The following TNFSF11 variants were observed in gnomAD, a reference collection of about 807,000 sequenced individuals.
TNFSF11 encodes the protein TNF superfamily member 11, also known as tumor necrosis factor ligand superfamily member 11.
In TNFSF11, 12 loss-of-function variants were observed where a neutral mutation model predicts 32.2. The observed-to-expected ratio is 0.37, with a 90% CI of 0.24 to 0.60. The LOEUF is 0.60. TNFSF11 is among the 20% of genes least tolerant of loss of function. The pLI is 0.66. For synonymous variants in TNFSF11, 172 were observed against 152.1 expected (o/e 1.13, Z -0.96); for missense variants, 345 against 398.0 (o/e 0.87, Z 1.13).
At chr13:42,575,587 T>C (rs1276660558) in intron 1 of TNFSF11, among the ~76,000 whole-genome samples, 2 of 152,228 alleles carry the variant, frequency 1.3e-5, no homozygotes, top group East Asian at 1.9e-4. Flanking sequence ...GCTTGGATTG[T>C]ATGGTTTTTT....
chr13:42,599,342 T>TATCATC (rs1243692744), intron 2 of TNFSF11, among the ~76,000 whole-genome samples: 1 of 79,800 alleles, frequency 1.3e-5, no homozygotes, highest in African/African-American at 4.1e-5. Flanking sequence ...TCTATCTATC[T>TATCATC]ATCTATCATC....
intron 2 of TNFSF11, among the ~76,000 whole-genome samples, chr13:42,592,960 C>A (rs925784278): frequency 1.3e-5 from 2 of 152,118 alleles, no homozygotes; most frequent in African/African-American, 4.8e-5. Flanking sequence ...CATGCGGAAC[C>A]GTAAGCCAAT....
At chr13:42,586,149 A>C (rs1873887504) in intron 2 of TNFSF11, among the ~76,000 whole-genome samples, 1 of 152,232 alleles carries the variant, frequency 6.6e-6, no homozygotes. Flanking sequence ...CAGAGCATGA[A>C]AAATTTTTTC....
chr13:42,602,104 C>T (rs766301988), intron 4 of TNFSF11, among the ~76,000 whole-genome samples: 11 of 152,144 alleles, frequency 7.2e-5, no homozygotes, highest in South Asian at 6.2e-4. Context: ...ATTCATGTGA[C>T]GTCTAATAAC....
intron 1 of TNFSF11, among the ~76,000 whole-genome samples, 180 bp from the exon 2 acceptor site, chr13:42,580,946 G>A (rs1391062305): frequency 6.6e-6 from 1 of 152,142 alleles, no homozygotes; most frequent in Non-Finnish European, 1.5e-5. Flanking sequence ...TCAGTTACTC[G>A]TTCAAATGAA....
At chr13:42,602,229 T>A (rs984249516) in intron 4 of TNFSF11, among the ~76,000 whole-genome samples, 3 of 152,202 alleles carry the variant, frequency 2.0e-5, no homozygotes, top group Admixed American at 6.5e-5. Context: ...AAAATGGGGA[T>A]GTTGATAGCA....
intron 2 of TNFSF11, among the ~76,000 whole-genome samples, chr13:42,592,208 C>T (rs1471716629): frequency 6.6e-6 from 1 of 152,134 alleles, no homozygotes; most frequent in African/African-American, 2.4e-5. Context: ...TAACACAGCC[C>T]CAACAGGTTA....
chr13:42,577,355 A>G (rs1358536978), intron 1 of TNFSF11, among the ~76,000 whole-genome samples: 1 of 152,210 alleles, frequency 6.6e-6, no homozygotes, highest in Admixed American at 6.5e-5. Context: ...AAATGTTTGC[A>G]GATTGCATGT....
In TNFSF11 at chr13:42,581,008, T is replaced by A. The variant is rs981804884; in HGVS notation, c.220-118T>A. 6.7e-6 allele frequency: 7 copies of A among 1,042,784 alleles called. No individual in the cohort carries two copies. In the African/African-American group the frequency reaches 1.1e-4, roughly 17 times the overall value. The allele number at this position is 1,042,784 out of a possible 1,614,324, so 64.6% of individuals were successfully genotyped here. A position where few individuals can be genotyped will look rare whatever the true frequency, so the allele number is the denominator to read the frequency against. On this transcript the variant is annotated intron_variant, in intron 1 of 4. Transcript: ENST00000398795. ...GAGGTTCATTGTATTAACTATTCAT[T>A]GTTGGGGACATAAAGACTCTTGCGA...
At chr13:42,573,763 A>G (rs1873156081), upstream of TNFSF11, among the ~76,000 whole-genome samples, 1 of 152,200 alleles carries the variant, frequency 6.6e-6, no homozygotes, top group African/African-American at 2.4e-5. Context: ...TTAACTTTCT[A>G]AATCCTAAGG....
chr13:42,569,471 C>G (rs1872979228), upstream of TNFSF11, among the ~76,000 whole-genome samples: 1 of 151,496 alleles, frequency 6.6e-6, no homozygotes, highest in Admixed American at 6.6e-5. Flanking sequence ...TGGCGTGAAC[C>G]CAGGAGGAGG....
At chr13:42,606,404 A>G (rs571401460) in intron 4 of TNFSF11, 93 bp from the exon 5 acceptor site, 81 of 1,434,800 alleles carry the variant, frequency 5.6e-5, no homozygotes, top group East Asian at 1.1e-4. Context: ...AATGACTGCT[A>G]TACTATTTTT....
intron 1 of TNFSF11, among the ~76,000 whole-genome samples, chr13:42,577,723 C>G (rs1185427682): frequency 6.6e-6 from 1 of 152,140 alleles, no homozygotes; most frequent in Non-Finnish European, 1.5e-5. Context: ...GCAGTCACTA[C>G]TGAAAATCTG....
intron 2 of TNFSF11, among the ~76,000 whole-genome samples, chr13:42,587,208 A>AC (rs1316408055): frequency 6.6e-6 from 1 of 152,214 alleles, no homozygotes; most frequent in African/African-American, 2.4e-5. Flanking sequence ...AAAACTGAAG[A>AC]CAGTACCTGG....
chr13:42,601,965 T>C (rs1869198836), intron 4 of TNFSF11, among the ~76,000 whole-genome samples: 1 of 152,236 alleles, frequency 6.6e-6, no homozygotes. Flanking sequence ...GTCCCGTTGA[T>C]TGCTAAGTCC....
intron 2 of TNFSF11, among the ~76,000 whole-genome samples, chr13:42,591,565 T>C (rs367653367): frequency 3.3e-5 from 5 of 152,330 alleles, no homozygotes; most frequent in African/African-American, 1.2e-4. Context: ...CAATGAATCC[T>C]GCTCTTAAAG....
Position 42,574,241 on chromosome 13 carries a change from G to C in TNFSF11, c.-63G>C. ...TCCGCCGCAGCCTCCGGAGTTGGCC[G>C]CAGACAAGAAGGGGAGGGAGCGGGA... On this transcript the variant is annotated 5_prime_UTR_variant, in exon 1 of 5. Transcript: ENST00000398795. 1 of 1,533,976 alleles carries C rather than the reference G, an allele frequency of 6.5e-7. No homozygotes were observed. Among genetic ancestry groups the C allele is most frequent in the Non-Finnish European group, 8.8e-7 (1 of 1,136,560 alleles).
At chr13:42,587,348 G>A (rs1165253211) in intron 2 of TNFSF11, among the ~76,000 whole-genome samples, 1 of 152,166 alleles carries the variant, frequency 6.6e-6, no homozygotes, top group Non-Finnish European at 1.5e-5. Context: ...CTTGAGGAAG[G>A]GAGTTGCCTA....
intron 2 of TNFSF11, among the ~76,000 whole-genome samples, chr13:42,591,948 C>A (rs979544377): frequency 6.6e-6 from 1 of 152,178 alleles, no homozygotes; most frequent in Non-Finnish European, 1.5e-5. Flanking sequence ...AGAGTAATTT[C>A]ATGAGGCTGG....
Sources: gnomAD v4.1 joint callset for allele counts (sites outside exome capture counted in the v4.1 genomes callset) on GRCh38, gnomAD v4.1.1 for gene constraint, MANE v1.5 for transcripts, NCBI Gene and HGNC (gene_info 2026-07-23, HGNC 2026-07-21) for gene names.